Variants in MKLN1 observed in about 807,000 individuals in gnomAD.
The protein encoded by MKLN1 is muskelin.
A neutral mutation model predicts 99.0 loss-of-function variants in MKLN1; 18 were observed. The ratio of observed to expected loss-of-function variants is 0.18; its 90% CI spans 0.13 to 0.27. The LOEUF is 0.27. Ranked by LOEUF, MKLN1 falls within the 10% of genes least tolerant of loss-of-function variation. The pLI, the probability that MKLN1 is intolerant of heterozygous loss-of-function variation, is 1.00. For missense variants in MKLN1, 621 were observed against 875.9 expected, an observed-to-expected ratio of 0.71 and a Z score of 3.67; for synonymous variants, 288 against 293.2, an observed-to-expected ratio of 0.98 and a Z score of 0.18.
intron 2 of MKLN1, among the ~76,000 whole-genome samples, chr7:131,189,020 C>G (rs1796493367): frequency 6.6e-6 from 1 of 152,166 alleles, no homozygotes; most frequent in Admixed American, 6.5e-5. Context: ...GACCCATATT[C>G]AAATACCACT....
At chr7:131,162,851 T>C (rs1796074912) in intron 2 of MKLN1, among the ~76,000 whole-genome samples, 1 of 152,252 alleles carries the variant, frequency 6.6e-6, no homozygotes, top group Admixed American at 6.5e-5. Context: ...TTAAGTAAAA[T>C]ATAGCACTAA....
intron 3 of MKLN1, among the ~76,000 whole-genome samples, chr7:131,240,701 G>A (rs1378260974): frequency 6.6e-6 from 1 of 152,098 alleles, no homozygotes; most frequent in Non-Finnish European, 1.5e-5. Context: ...AACCATTTAT[G>A]GCAAATAATA....
chr7:131,241,998 C>T (rs1017524045), intron 3 of MKLN1, among the ~76,000 whole-genome samples: 4 of 152,168 alleles, frequency 2.6e-5, no homozygotes. Flanking sequence ...GTTTTATTTT[C>T]ATCATAATCC....
intron 1 of MKLN1, among the ~76,000 whole-genome samples, chr7:131,331,786 A>G (rs915552095): frequency 6.6e-6 from 1 of 152,224 alleles, no homozygotes; most frequent in Non-Finnish European, 1.5e-5. Context: ...AGAGGGAAAA[A>G]TAGATTTTAT....
At chr7:131,242,633 G>A (rs1454503663) in intron 3 of MKLN1, 11 of 547,970 alleles carry the variant, frequency 2.0e-5, no homozygotes, top group Non-Finnish European at 3.8e-5. Context: ...TGCTTGTTCT[G>A]GCTGGATGCT....
At chr7:131,452,671 C>T (rs1189476572) in intron 12 of MKLN1, among the ~76,000 whole-genome samples, 1 of 151,578 alleles carries the variant, frequency 6.6e-6, no homozygotes, top group East Asian at 1.9e-4. Context: ...CTGCCTCAGC[C>T]TCCCGAATAG....
intron 3 of MKLN1, among the ~76,000 whole-genome samples, chr7:131,209,139 C>A (rs968262736): frequency 2.0e-5 from 3 of 152,032 alleles, no homozygotes; most frequent in African/African-American, 7.2e-5. Context: ...AGAGAGAGGG[C>A]CTAGGTGGCT....
chr7:131,178,389 G>A (rs1215592463), intron 2 of MKLN1, among the ~76,000 whole-genome samples: 2 of 146,502 alleles, frequency 1.4e-5, no homozygotes, highest in African/African-American at 5.0e-5. Flanking sequence ...CACCTGCCTC[G>A]GCCTCCCAAA....
chr7:131,492,358 A>G lies in MKLN1; in HGVS notation c.*4630A>G, dbSNP rs1455939230. ...AATATTAGAAGTGGCTTCAGTTGCC[A>G]TGAAATGATTGCTTTTCTTTTTCTT... is the stretch of plus-strand genomic sequence containing the variant. On this transcript the variant is annotated 3_prime_UTR_variant, in exon 18 of 18. Transcript: ENST00000352689. The G allele has an allele frequency of 2.6e-5, 4 of 152,230 alleles. No individual in the cohort carries two copies. Among genetic ancestry groups the G allele is most frequent in the African/African-American group, 9.6e-5 (4 of 41,458 alleles). 9.4% of individuals were successfully genotyped at this position (152,230 alleles called of 1,614,324 possible). A position where few individuals can be genotyped will look rare whatever the true frequency, so the allele number is the denominator to read the frequency against.
rs56156009 is a variant in MKLN1 at position 131,400,518 on chromosome 7, A to AATATATATATAT, written c.703+1096_703+1107dup. Among the ~76,000 whole-genome samples the AATATATATATAT allele has an allele frequency of 3.1e-3, 432 of 137,404 alleles. 1 individual carries two copies. Among genetic ancestry groups the AATATATATATAT allele is most frequent in the Middle Eastern group, 7.8e-3 (2 of 258 alleles). The allele number at this position is 137,404 out of a possible 152,430, so 90.1% of individuals were successfully genotyped here. On this transcript the variant is annotated intron_variant, in intron 6 of 17. Coordinates refer to ENST00000352689, the MANE Select transcript of MKLN1 (RefSeq NM_013255.5). The stretch of plus-strand genomic sequence containing the variant: ...TTTAAAATGCTACCAATAAAAAAAA[A>AATATATATATAT]ATATATATATATATATATATATGCC...
At chr7:131,445,023 G>T (rs575600577) in intron 11 of MKLN1, among the ~76,000 whole-genome samples, 18 of 152,128 alleles carry the variant, frequency 1.2e-4, no homozygotes, top group Non-Finnish European at 2.9e-5. Flanking sequence ...AGCTTTCACA[G>T]TAAAGAAAAC....
At chr7:131,424,316 T>G (rs1349847907) in intron 8 of MKLN1, among the ~76,000 whole-genome samples, 2 of 152,148 alleles carry the variant, frequency 1.3e-5, no homozygotes, top group African/African-American at 4.8e-5. Flanking sequence ...TTTTGATACA[T>G]GAATTTTGTC....
chr7:131,387,305 A>G (rs372571397), intron 3 of MKLN1, 43 bp downstream of exon 3: 14 of 1,549,702 alleles, frequency 9.0e-6, no homozygotes, highest in Non-Finnish European at 1.2e-5. Context: ...TCTAAACAAA[A>G]CGTAGTCTTA....
intron 1 of MKLN1, among the ~76,000 whole-genome samples, chr7:131,366,598 G>T (rs989361964): frequency 3.3e-5 from 5 of 152,102 alleles, no homozygotes; most frequent in Admixed American, 2.0e-4. Context: ...ATCACTTGAG[G>T]TCAGGAGTTC....
intron 8 of MKLN1, among the ~76,000 whole-genome samples, chr7:131,422,627 T>C (rs1031363643): frequency 6.6e-6 from 1 of 152,208 alleles, no homozygotes; most frequent in African/African-American, 2.4e-5. Context: ...TTATTTAACA[T>C]GGCTTATATT....
chr7:131,151,701 A>C (rs1339586493), intron 2 of MKLN1, among the ~76,000 whole-genome samples: 1 of 152,250 alleles, frequency 6.6e-6, no homozygotes, highest in Non-Finnish European at 1.5e-5. Flanking sequence ...AAAATATAGA[A>C]TACAGAGTAG....
intron 3 of MKLN1, among the ~76,000 whole-genome samples, chr7:131,298,069 G>T (rs1012891637): frequency 4.6e-5 from 7 of 151,238 alleles, no homozygotes; most frequent in African/African-American, 1.5e-4. Context: ...GGATCACGAG[G>T]TCAGGAGATC....
intron 1 of MKLN1, among the ~76,000 whole-genome samples, chr7:131,372,867 CTTTTCT>C (rs56912147): frequency 3.5e-4 from 53 of 151,734 alleles, no homozygotes; most frequent in African/African-American, 1.2e-3. Context: ...GGCAATTAAT[CTTTTCT>C]TTTTCTTTTT....
Position 131,331,744 on chromosome 7 carries a change from A to G in MKLN1, c.98+3747A>G, listed in dbSNP as rs911487040. Among the ~76,000 whole-genome samples, 10 of 152,356 alleles carry G rather than the reference A, an allele frequency of 6.6e-5. No individual in the cohort carries two copies. The East Asian group carries it at 1.9e-3, about 29-fold the overall frequency. On this transcript the variant is annotated intron_variant, in intron 1 of 17. Transcript: ENST00000352689. ...CTATTGTATATGTCTAATTGAGATT[A>G]CAGATAAGCGCTCTAAGGTTAGAAC...
Sources: allele counts gnomAD v4.1 joint callset (sites outside exome capture counted in the v4.1 genomes callset), GRCh38; gene constraint gnomAD v4.1.1; transcripts MANE v1.5; gene names NCBI Gene and HGNC (gene_info 2026-07-23, HGNC 2026-07-21).